The following KIAA1958 variants were observed in gnomAD, a reference collection of about 807,000 sequenced individuals.
KIAA1958 encodes the protein KIAA1958.
A neutral mutation model predicts 47.2 loss-of-function variants in KIAA1958; 14 were observed. That is an observed-to-expected ratio of 0.30 (90% CI 0.20 to 0.46). The LOEUF (loss-of-function observed/expected upper bound fraction) is 0.46. Ranked by LOEUF, KIAA1958 falls within the 20% of genes least tolerant of loss-of-function variation. KIAA1958 has a pLI of 1.00. For missense variants in KIAA1958, 803 were observed against 909.2 expected (o/e 0.88, Z 1.50); for synonymous variants, 354 against 353.3 (o/e 1.00, Z -0.02).
intron 2 of KIAA1958, among the ~76,000 whole-genome samples, chr9:112,637,773 C>T (rs1415182345): frequency 6.6e-6 from 1 of 152,198 alleles, no homozygotes; most frequent in Non-Finnish European, 1.5e-5. Context: ...TTTCTGGCTT[C>T]CATCATTTCA....
chr9:112,570,276 T>C (rs1835509622), intron 1 of KIAA1958, among the ~76,000 whole-genome samples: 2 of 152,232 alleles, frequency 1.3e-5, no homozygotes. Flanking sequence ...TATTTTCTGC[T>C]GGAGGGCGTT....
chr9:112,635,218 G>T (rs1269219583), intron 2 of KIAA1958, among the ~76,000 whole-genome samples: 1 of 19,158 alleles, frequency 5.2e-5, no homozygotes, highest in African/African-American at 9.8e-5. Flanking sequence ...TTTATTTTGT[G>T]TGTGTGTGTG....
intron 1 of KIAA1958, among the ~76,000 whole-genome samples, chr9:112,568,936 T>TAAAAAAAAAA (rs57898820): frequency 3.0e-4 from 11 of 36,456 alleles, no homozygotes; most frequent in East Asian, 1.1e-3. Flanking sequence ...ATAGGAAAAC[T>TAAAAAAAAAA]AAAAAAAAAA....
intron 2 of KIAA1958, among the ~76,000 whole-genome samples, chr9:112,619,702 GT>G (rs767268278): frequency 2.0e-5 from 3 of 152,124 alleles, no homozygotes; most frequent in African/African-American, 7.2e-5. Flanking sequence ...TGGAAAGAAT[GT>G]TTCTTTTTTT....
At chr9:112,635,237 T>A (rs889019816) in intron 2 of KIAA1958, among the ~76,000 whole-genome samples, 2 of 148,242 alleles carry the variant, frequency 1.3e-5, no homozygotes, top group Admixed American at 6.7e-5. Context: ...TGTGTGTGTG[T>A]GTGTGTGTGT....
intron 3 of KIAA1958, among the ~76,000 whole-genome samples, chr9:112,647,096 C>G (rs888780588): frequency 2.0e-5 from 3 of 152,012 alleles, no homozygotes; most frequent in African/African-American, 7.2e-5. Flanking sequence ...GTTTCTACTT[C>G]TGGCACCATG....
Position 112,543,722 on chromosome 9 carries a change from C to T in KIAA1958, c.-24-30335C>T, listed in dbSNP as rs555196184. ...CTGAGTAGCTGGGATTACAGGCATG[C>T]GCCACCATGCCTGTCTAATTTTGTA... On this transcript the variant is annotated intron_variant, in intron 1 of 3. Coordinates refer to ENST00000337530, the MANE Select transcript of KIAA1958 (RefSeq NM_133465.4). Among the ~76,000 whole-genome samples the T allele has an allele frequency of 5.9e-5, 9 of 151,896 alleles. No homozygotes were observed. The South Asian group carries it at 8.3e-4, about 14-fold the overall frequency.
At chr9:112,633,049 A>G (rs1210520102) in intron 2 of KIAA1958, among the ~76,000 whole-genome samples, 3 of 152,040 alleles carry the variant, frequency 2.0e-5, no homozygotes, top group African/African-American at 7.2e-5. Flanking sequence ...ATCTTTCCCC[A>G]ACAATTTGAA....
At chr9:112,638,809 TTC>T (rs961303707) in intron 2 of KIAA1958, among the ~76,000 whole-genome samples, 2 of 152,098 alleles carry the variant, frequency 1.3e-5, no homozygotes, top group Non-Finnish European at 2.9e-5. Context: ...CTATATTCTT[TTC>T]TCTCTCTGCC....
intron 1 of KIAA1958, among the ~76,000 whole-genome samples, chr9:112,493,358 C>T (rs1043731957): frequency 3.9e-4 from 60 of 152,074 alleles, no homozygotes; most frequent in Admixed American, 3.7e-3. Context: ...TTCAACATGC[C>T]CCAGACTTAT....
chr9:112,655,361 C>T (rs1837131486), intron 3 of KIAA1958, among the ~76,000 whole-genome samples: 1 of 152,108 alleles, frequency 6.6e-6, no homozygotes, highest in Non-Finnish European at 1.5e-5. Flanking sequence ...TCCCATAATG[C>T]GTTGACTGTA....
chr9:112,594,347 A>G (rs895783696), intron 2 of KIAA1958, among the ~76,000 whole-genome samples: 3 of 152,164 alleles, frequency 2.0e-5, no homozygotes, highest in African/African-American at 7.2e-5. Flanking sequence ...TTTCAAGTAT[A>G]TTGTTGTGCT....
intron 1 of KIAA1958, among the ~76,000 whole-genome samples, chr9:112,521,644 G>A (rs1019075340): frequency 6.6e-6 from 1 of 151,954 alleles, no homozygotes. Flanking sequence ...TTGGAATTTT[G>A]AGATTTTCTT....
intron 1 of KIAA1958, among the ~76,000 whole-genome samples, chr9:112,516,476 T>G (rs1834437578): frequency 6.6e-6 from 1 of 152,244 alleles, no homozygotes; most frequent in African/African-American, 2.4e-5. Flanking sequence ...TAAGTCGAGA[T>G]ATACTGTTTT....
chr9:112,567,666 C>T (rs1440960960), intron 1 of KIAA1958, among the ~76,000 whole-genome samples: 1 of 151,750 alleles, frequency 6.6e-6, no homozygotes, highest in Non-Finnish European at 1.5e-5. Flanking sequence ...GATCAAAATC[C>T]CGAAAATACA....
chr9:112,655,374 G>C (rs1283404110), intron 3 of KIAA1958, among the ~76,000 whole-genome samples: 1 of 152,078 alleles, frequency 6.6e-6, no homozygotes, highest in African/African-American at 2.4e-5. Flanking sequence ...TGACTGTATT[G>C]TCATTAATCC....
intron 2 of KIAA1958, among the ~76,000 whole-genome samples, chr9:112,599,724 G>A (rs1011699631): frequency 6.6e-6 from 1 of 152,180 alleles, no homozygotes; most frequent in African/African-American, 2.4e-5. Flanking sequence ...AGGAAAGTGA[G>A]AGTTAAAAAA....
chr9:112,555,385 T>TG (rs1227771473), intron 1 of KIAA1958, among the ~76,000 whole-genome samples: 1 of 152,206 alleles, frequency 6.6e-6, no homozygotes, highest in Non-Finnish European at 1.5e-5. Context: ...AGACAGACAT[T>TG]GCACTATACA....
rs569382672 is a variant in KIAA1958, at chr9:112,505,491, C to T, written c.-25+18373C>T. Among the ~76,000 whole-genome samples, 112 of 152,218 alleles carry T rather than the reference C, an allele frequency of 7.4e-4. 1 individual carries two copies. Among genetic ancestry groups the T allele is most frequent in the African/African-American group, 2.1e-3 (89 of 41,510 alleles). ...ATATCTAGAAGAGAGTATATTTGAA[C>T]GCTAGATAGCAAAGAAAATTAAGCT... On this transcript the variant is annotated intron_variant, in intron 1 of 3. Coordinates refer to ENST00000337530, the MANE Select transcript of KIAA1958 (RefSeq NM_133465.4).
Sources: allele counts gnomAD v4.1 joint callset (sites outside exome capture counted in the v4.1 genomes callset), GRCh38; gene constraint gnomAD v4.1.1; transcripts MANE v1.5; gene names NCBI Gene and HGNC (gene_info 2026-07-23, HGNC 2026-07-21).